The following SLC39A11 variants were observed in gnomAD, a reference collection of about 807,000 sequenced individuals.
SLC39A11 encodes zinc transporter ZIP11.
Under a neutral mutation model 36.1 loss-of-function variants are expected in SLC39A11, and 33 were observed. That is an observed-to-expected ratio of 0.91 (90% CI 0.69 to 1.22). The LOEUF is 1.22. Among genes scored for constraint, SLC39A11 ranks in the 50% most tolerant of loss-of-function variants. The pLI is 0.00. For missense variants in SLC39A11, 432 were observed against 430.3 expected, an observed-to-expected ratio of 1.00 and a Z score of -0.03; for synonymous variants, 166 against 170.3, an observed-to-expected ratio of 0.97 and a Z score of 0.20.
intron 6 of SLC39A11, among the ~76,000 whole-genome samples, chr17:72,758,836 C>T (rs2075459201): frequency 1.3e-5 from 2 of 152,340 alleles, no homozygotes; most frequent in South Asian, 2.1e-4. Flanking sequence ...AACTTGTATA[C>T]GCCAACCGGA....
intron 7 of SLC39A11, among the ~76,000 whole-genome samples, chr17:72,711,791 TG>T (rs1257153434): frequency 6.6e-6 from 1 of 152,100 alleles, no homozygotes; most frequent in African/African-American, 2.4e-5. Flanking sequence ...GTCATAGCTC[TG>T]GGGGGAATTT....
chr17:72,758,279 C>T (rs1416883746), intron 6 of SLC39A11, among the ~76,000 whole-genome samples: 1 of 152,152 alleles, frequency 6.6e-6, no homozygotes, highest in Non-Finnish European at 1.5e-5. Context: ...CTGGAAGACA[C>T]AGTCAAGAAG....
At chr17:72,815,450 T>C (rs938684302) in intron 6 of SLC39A11, among the ~76,000 whole-genome samples, 2 of 151,522 alleles carry the variant, frequency 1.3e-5, no homozygotes, top group Non-Finnish European at 2.9e-5. Flanking sequence ...AAACCCTGTC[T>C]CTACTAAAAA....
chr17:73,042,530 G>A (rs970217599), intron 3 of SLC39A11, among the ~76,000 whole-genome samples: 22 of 152,204 alleles, frequency 1.4e-4, no homozygotes, highest in African/African-American at 5.3e-4. Context: ...GCTGGGCATG[G>A]TAGCTCACGC....
chr17:72,703,357 G>C (rs997104802), intron 7 of SLC39A11, among the ~76,000 whole-genome samples: 17 of 152,204 alleles, frequency 1.1e-4, no homozygotes, highest in Non-Finnish European at 2.1e-4. Flanking sequence ...GATATGCAAA[G>C]CTGATGGCCT....
intron 5 of SLC39A11, among the ~76,000 whole-genome samples, chr17:72,899,960 AAAAG>A (rs1424906236): frequency 1.4e-5 from 2 of 144,910 alleles, no homozygotes; most frequent in East Asian, 3.9e-4. Context: ...AGATTCTGAA[AAAAG>A]AAAGAGAGAG....
chr17:72,740,620 C>T (rs2074653372), intron 6 of SLC39A11, among the ~76,000 whole-genome samples: 2 of 152,170 alleles, frequency 1.3e-5, no homozygotes, highest in East Asian at 1.9e-4. Context: ...GTGTGGGTCC[C>T]GTGCTGTTAT....
intron 4 of SLC39A11, among the ~76,000 whole-genome samples, chr17:72,969,735 C>T (rs1366944550): frequency 6.6e-6 from 1 of 152,142 alleles, no homozygotes; most frequent in Non-Finnish European, 1.5e-5. Flanking sequence ...AACTCATCTC[C>T]CTGGTTACTA....
chr17:72,873,811 C>A (rs772278463), intron 5 of SLC39A11, among the ~76,000 whole-genome samples: 1 of 152,180 alleles, frequency 6.6e-6, no homozygotes, highest in Non-Finnish European at 1.5e-5. Context: ...ACAAATCTCA[C>A]TTTGAATTGT....
chr17:72,818,771 C>T (rs1319746138), intron 6 of SLC39A11: 1 of 152,106 alleles, frequency 6.6e-6, no homozygotes, highest in African/African-American at 2.4e-5. Flanking sequence ...TGTCATCTCA[C>T]CAGTATACTC....
chr17:72,752,899 G>C (rs981866547), intron 6 of SLC39A11, among the ~76,000 whole-genome samples: 2 of 152,160 alleles, frequency 1.3e-5, no homozygotes, highest in African/African-American at 2.4e-5. Context: ...TCTGTGGCCC[G>C]GGCTGGAGTG....
intron 6 of SLC39A11, among the ~76,000 whole-genome samples, chr17:72,794,773 C>T (rs1436920883): frequency 1.3e-5 from 2 of 152,114 alleles, no homozygotes; most frequent in Non-Finnish European, 2.9e-5. Context: ...CAAGTGCCTC[C>T]TCTCTGCCCC....
chr17:72,716,321 C>T (rs1244297136), intron 7 of SLC39A11, among the ~76,000 whole-genome samples: 1 of 151,838 alleles, frequency 6.6e-6, no homozygotes, highest in Admixed American at 6.6e-5. Context: ...ACTGAAGTCC[C>T]AAAGAATGCT....
In SLC39A11 at chr17:72,885,925, C is replaced by T. The variant is rs113963507; in HGVS notation, c.431-36121G>A. On this transcript the variant is annotated intron_variant, in intron 5 of 9. Coordinates refer to ENST00000255559, the MANE Select transcript of SLC39A11 (RefSeq NM_139177.4). ...ACCATTCTACTGAGACTGCTTTTGT[C>T]GGGGTCACCACTGGTGCCCATGTGG... Among the ~76,000 whole-genome samples, 925 of 152,326 alleles carry T rather than the reference C, an allele frequency of 6.1e-3. 7 individuals are homozygous for T. Among genetic ancestry groups the T allele is most frequent in the African/African-American group, 0.021 (864 of 41,578 alleles).
intron 5 of SLC39A11, 118 bp downstream of exon 5, chr17:72,947,634 T>C (rs775849747): frequency 8.3e-6 from 12 of 1,448,646 alleles, no homozygotes; most frequent in South Asian, 1.2e-5. Flanking sequence ...TTCGGAGGGA[T>C]AGGACAGTGC....
At chr17:72,789,192 G>T (rs1433996365) in intron 6 of SLC39A11, among the ~76,000 whole-genome samples, 1 of 152,122 alleles carries the variant, frequency 6.6e-6, no homozygotes, top group Non-Finnish European at 1.5e-5. Flanking sequence ...ACGCCACCAT[G>T]TCCGGCTAAT....
intron 5 of SLC39A11, among the ~76,000 whole-genome samples, chr17:72,899,207 A>G (rs1385577990): frequency 1.3e-5 from 2 of 151,906 alleles, no homozygotes; most frequent in Non-Finnish European, 2.9e-5. Flanking sequence ...CCATTTCCCC[A>G]GCAGCAACCC....
At chr17:72,840,620 G>C (rs145203782) in intron 6 of SLC39A11, among the ~76,000 whole-genome samples, 1 of 152,202 alleles carries the variant, frequency 6.6e-6, no homozygotes. Flanking sequence ...TTAGATGGGC[G>C]TGGTGGTGGG....
chr17:72,758,312 TA>T (rs756865058), intron 6 of SLC39A11, among the ~76,000 whole-genome samples: 6 of 152,196 alleles, frequency 3.9e-5, no homozygotes, highest in Admixed American at 1.3e-4. Flanking sequence ...AATGTGACAA[TA>T]AGACAATACT....
Sources: gnomAD v4.1 joint callset for allele counts (sites outside exome capture counted in the v4.1 genomes callset) on GRCh38, gnomAD v4.1.1 for gene constraint, MANE v1.5 for transcripts, NCBI Gene and HGNC (gene_info 2026-07-23, HGNC 2026-07-21) for gene names.